PCBD2: variants seen among roughly 807,000 people sequenced by gnomAD.
PCBD2 encodes pterin-4-alpha-carbinolamine dehydratase 2.
Under a neutral mutation model 16.4 loss-of-function variants are expected in PCBD2, and 12 were observed. The ratio of observed to expected loss-of-function variants is 0.73; its 90% confidence interval spans 0.47 to 1.19. The LOEUF (loss-of-function observed/expected upper bound fraction) is 1.19, where lower values mean the gene tolerates loss of function less well. Among genes scored for constraint, PCBD2 ranks in the 50% most tolerant of loss-of-function variants. PCBD2 has a pLI of 0.00. For synonymous variants in PCBD2, 58 were observed against 61.8 expected (o/e 0.94, Z 0.29); for missense variants, 138 against 156.8 (o/e 0.88, Z 0.64).
intron 2 of PCBD2, among the ~76,000 whole-genome samples, chr5:134,957,545 T>C (rs1202605204): frequency 6.6e-6 from 1 of 152,226 alleles, no homozygotes; most frequent in African/African-American, 2.4e-5. Context: ...CATGCACCTG[T>C]AGTCCCAGCT....
At chr5:134,933,688 C>G (rs1751124417) in intron 2 of PCBD2, among the ~76,000 whole-genome samples, 1 of 152,194 alleles carries the variant, frequency 6.6e-6, no homozygotes, top group Non-Finnish European at 1.5e-5. Context: ...TTAATGCTGT[C>G]AGTTGGACAC....
intron 2 of PCBD2, among the ~76,000 whole-genome samples, chr5:134,911,679 C>A (rs570476763): frequency 6.6e-6 from 1 of 152,298 alleles, no homozygotes; most frequent in African/African-American, 2.4e-5. Flanking sequence ...AAACCTTCGG[C>A]ATGTTTTCCT....
At position 134,910,336 on chromosome 5, in the gene PCBD2, C is replaced by T. The variant is rs374350745; in HGVS notation, c.86C>T (p.Ser29Leu). 46 of 1,613,506 alleles carry T rather than the reference C, an allele frequency of 2.9e-5. No individual in the cohort carries two copies. The highest frequency in any genetic ancestry group is 3.9e-5 in the Non-Finnish European group (46 of 1,179,806). Residue 29 changes from serine to leucine, a missense_variant and splice_region_variant, in exon 2 of 4, where the codon TCA becomes TTA. Physicochemically the swap from Ser to Leu is moderately radical, Grantham distance 145. Coordinates refer to ENST00000254908, the MANE Select transcript of PCBD2 (RefSeq NM_032151.5). ...ATATGAAATGTGTTCTCTTCATAGT[C>T]ATCAGGTACTCACAGGTTGACTGCA... ...RGQSLGLAAM[S>L]SGTHRLTAEE...
At chr5:134,926,336 A>G (rs1750995861) in intron 2 of PCBD2, 1 of 369,304 alleles carries the variant, frequency 2.7e-6, no homozygotes, top group Non-Finnish European at 4.8e-6. Flanking sequence ...ACAAGGGTGG[A>G]TGCGATAATG....
At chr5:134,952,308 C>T (rs1363857395) in intron 2 of PCBD2, among the ~76,000 whole-genome samples, 3 of 151,996 alleles carry the variant, frequency 2.0e-5, no homozygotes, top group Admixed American at 6.5e-5. Context: ...TATCAGCATT[C>T]CAGAGAATGT....
intron 2 of PCBD2, among the ~76,000 whole-genome samples, chr5:134,957,899 A>C (rs1019233915): frequency 6.6e-5 from 10 of 152,352 alleles, no homozygotes; most frequent in African/African-American, 2.4e-4. Flanking sequence ...TTTATCCCAA[A>C]TAAAATTGGC....
At chr5:134,922,072 C>T (rs1750909606) in intron 2 of PCBD2, among the ~76,000 whole-genome samples, 1 of 152,234 alleles carries the variant, frequency 6.6e-6, no homozygotes, top group African/African-American at 2.4e-5. Flanking sequence ...GTCACCTACT[C>T]ATCCCTTTCA....
chr5:134,926,652 T>C, intron 2 of PCBD2: 2 of 396,846 alleles, frequency 5.0e-6, no homozygotes, highest in Non-Finnish European at 8.9e-6. Flanking sequence ...GGTTAAACTA[T>C]ATTTACAGGA....
At chr5:134,910,214 A>T in intron 1 of PCBD2, 121 bp from the exon 2 acceptor site, 1 of 1,076,276 alleles carries the variant, frequency 9.3e-7, no homozygotes, top group Non-Finnish European at 1.3e-6. Flanking sequence ...AAAGGAATGA[A>T]AGATGGTTAG....
At chr5:134,913,490 G>T (rs1017073622) in intron 2 of PCBD2, among the ~76,000 whole-genome samples, 2 of 152,234 alleles carry the variant, frequency 1.3e-5, no homozygotes, top group African/African-American at 4.8e-5. Flanking sequence ...GGCCAGTGTG[G>T]AGTGGAGCAG....
At chr5:134,947,096 T>A (rs543470059) in intron 2 of PCBD2, among the ~76,000 whole-genome samples, 250 of 145,328 alleles carry the variant, frequency 1.7e-3, no homozygotes, top group Admixed American at 3.5e-3. Flanking sequence ...AAAAAAAAAA[T>A]TTTTTTTTTT....
intron 2 of PCBD2, among the ~76,000 whole-genome samples, chr5:134,932,626 T>C (rs940289500): frequency 8.5e-5 from 13 of 152,078 alleles, no homozygotes; most frequent in Admixed American, 6.5e-4. Context: ...TGAGCCACCA[T>C]GCCCACCCCT....
chr5:134,906,978 A>G (rs992813714), intron 1 of PCBD2, among the ~76,000 whole-genome samples: 1 of 152,188 alleles, frequency 6.6e-6, no homozygotes, highest in Non-Finnish European at 1.5e-5. Context: ...AAGTGGCTCC[A>G]TTTCCCAGTC....
chr5:134,910,527 C>T (rs1750756065), intron 2 of PCBD2, 61 bp downstream of exon 2: 2 of 1,550,752 alleles, frequency 1.3e-6, no homozygotes, highest in South Asian at 2.3e-5. Flanking sequence ...GGCCATAACA[C>T]TTTCTGATTC....
chr5:134,937,390 T>C (rs1561912253), intron 2 of PCBD2, among the ~76,000 whole-genome samples: 1 of 152,244 alleles, frequency 6.6e-6, no homozygotes, highest in Non-Finnish European at 1.5e-5. Context: ...GAGAAATCAG[T>C]TACTTTGGTA....
At chr5:134,935,430 C>G (rs529002588) in intron 2 of PCBD2, among the ~76,000 whole-genome samples, 8 of 152,174 alleles carry the variant, frequency 5.3e-5, no homozygotes, top group East Asian at 1.9e-4. Context: ...CCACATGTTA[C>G]GATTTGCACA....
chr5:134,947,648 A>G (rs1751312297), intron 2 of PCBD2, among the ~76,000 whole-genome samples: 2 of 151,606 alleles, frequency 1.3e-5, no homozygotes, highest in Admixed American at 1.3e-4. Context: ...CGGCCTCCCA[A>G]AGTGCTGAGA....
At chr5:134,958,183 A>G (rs999974478) in intron 2 of PCBD2, among the ~76,000 whole-genome samples, 2 of 152,242 alleles carry the variant, frequency 1.3e-5, no homozygotes, top group Admixed American at 6.5e-5. Context: ...GCATTCTGGA[A>G]CAATAGAGAC....
At chr5:134,960,548 C>T (rs761785790) in intron 3 of PCBD2, 38 bp from the exon 4 acceptor site, 57 of 1,398,412 alleles carry the variant, frequency 4.1e-5, no homozygotes, top group Middle Eastern at 1.8e-4. Flanking sequence ...CCATGATTTG[C>T]TGCTCAGAGT....
Sources: allele counts gnomAD v4.1 joint callset (sites outside exome capture counted in the v4.1 genomes callset), GRCh38; gene constraint gnomAD v4.1.1; transcripts MANE v1.5; gene names NCBI Gene and HGNC (gene_info 2026-07-23, HGNC 2026-07-21).